The following CNTNAP2 variants were observed in gnomAD, a reference collection of about 807,000 sequenced individuals.
CNTNAP2 encodes the protein contactin-associated protein-like 2.
A neutral mutation model predicts 155.2 loss-of-function variants in CNTNAP2; 98 were observed. The ratio of observed to expected loss-of-function variants is 0.63; its 90% confidence interval spans 0.54 to 0.75. The LOEUF (loss-of-function observed/expected upper bound fraction) is 0.75. Ranked by LOEUF, CNTNAP2 falls within the 30% of genes least tolerant of loss-of-function variation. CNTNAP2 has a pLI of 0.00. For missense variants in CNTNAP2, 1,727 were observed against 1,688.1 expected (o/e 1.02, Z -0.40); for synonymous variants, 651 against 631.2 (o/e 1.03, Z -0.47).
rs1458637951 is a variant in CNTNAP2 at position 148,181,740 on chromosome 7, CCTTTTTTTTTTTTT to C, written c.3010+9263_3010+9276del. ...AATAACTTTTGTTTCAAGTGTGTGC[CCTTTTTTTTTTTTT>C]TTTTTTTTTTTTTTTTTTTTTGAGA... On this transcript the variant is annotated intron_variant, in intron 18 of 23. Coordinates refer to ENST00000361727, the MANE Select transcript of CNTNAP2 (RefSeq NM_014141.6). Among the ~76,000 whole-genome samples, 5 of 98,684 alleles carry C rather than the reference CCTTTTTTTTTTTTT, an allele frequency of 5.1e-5. No individual in the cohort carries two copies. The East Asian group carries it at 1.5e-3, about 30-fold the overall frequency. The allele number at this position is 98,684 out of a possible 152,430, so 64.7% of individuals were successfully genotyped here. A position where few individuals can be genotyped will look rare whatever the true frequency, so the allele number is the denominator to read the frequency against.
chr7:147,738,908 G>A (rs1160484355), intron 13 of CNTNAP2, among the ~76,000 whole-genome samples: 1 of 152,064 alleles, frequency 6.6e-6, no homozygotes, highest in Non-Finnish European at 1.5e-5. Flanking sequence ...ATCTGCCTTG[G>A]CCTCCCAAAG....
intron 13 of CNTNAP2, among the ~76,000 whole-genome samples, chr7:147,676,674 C>T (rs1382212363): frequency 6.6e-6 from 1 of 151,918 alleles, no homozygotes. Context: ...ACCAACTACC[C>T]CAGCCCCTGG....
At chr7:148,051,794 T>C (rs965672170) in intron 15 of CNTNAP2, among the ~76,000 whole-genome samples, 1 of 152,226 alleles carries the variant, frequency 6.6e-6, no homozygotes, top group South Asian at 2.1e-4. Context: ...GAAGAATGCA[T>C]AGAAAAGTGA....
intron 14 of CNTNAP2, among the ~76,000 whole-genome samples, chr7:147,917,534 G>T (rs1800181220): frequency 1.3e-5 from 2 of 152,192 alleles, no homozygotes; most frequent in Non-Finnish European, 2.9e-5. Context: ...AGAGGAAAGA[G>T]AGCATGCCTT....
intron 12 of CNTNAP2, among the ~76,000 whole-genome samples, chr7:147,582,855 C>T (rs10281966): frequency 0.69 from 104,944 of 151,970 alleles, 36,805 homozygotes; most frequent in African/African-American, 0.81. Context: ...TCTGGACTTC[C>T]TTATGCAAAA....
chr7:148,122,495 G>A lies in CNTNAP2; in HGVS notation c.2554+4207G>A, dbSNP rs149270096. Among the ~76,000 whole-genome samples the A allele has an allele frequency of 1.9e-4, 29 of 152,294 alleles. No individual in the cohort carries two copies. In the East Asian group the frequency reaches 4.6e-3, roughly 24 times the overall value. ...ATAACACCAAATGAACGAAGGTGTC[G>A]GAGACTGAACCGAAGGACCCAGGAG... On this transcript the variant is annotated intron_variant, in intron 16 of 23. Transcript: ENST00000361727.
At chr7:146,510,896 T>A (rs1797455325) in intron 1 of CNTNAP2, among the ~76,000 whole-genome samples, 1 of 152,138 alleles carries the variant, frequency 6.6e-6, no homozygotes, top group Non-Finnish European at 1.5e-5. Flanking sequence ...CTTTAGGTTT[T>A]TCTTTTTTCT....
At chr7:147,053,588 G>C (rs1224511526) in intron 4 of CNTNAP2, among the ~76,000 whole-genome samples, 1 of 152,016 alleles carries the variant, frequency 6.6e-6, no homozygotes, top group Non-Finnish European at 1.5e-5. Flanking sequence ...AAAATCAAGA[G>C]TGTCGATTTA....
chr7:146,330,475 A>C (rs996372385), intron 1 of CNTNAP2, among the ~76,000 whole-genome samples: 3 of 152,180 alleles, frequency 2.0e-5, no homozygotes, highest in Non-Finnish European at 4.4e-5. Flanking sequence ...GTATGTATAA[A>C]AATTACTAAA....
intron 4 of CNTNAP2, among the ~76,000 whole-genome samples, chr7:147,084,526 T>C (rs980227083): frequency 7.3e-6 from 1 of 136,818 alleles, no homozygotes; most frequent in African/African-American, 2.6e-5. Context: ...TATATACATA[T>C]AATACTATAT....
At chr7:146,564,795 T>A (rs2129144918) in intron 1 of CNTNAP2, among the ~76,000 whole-genome samples, 1 of 152,000 alleles carries the variant, frequency 6.6e-6, no homozygotes, top group Non-Finnish European at 1.5e-5. Flanking sequence ...CATTTCTAAC[T>A]TTATTCAGTT....
chr7:148,290,614 C>T (rs1797172676), intron 21 of CNTNAP2, among the ~76,000 whole-genome samples: 1 of 152,162 alleles, frequency 6.6e-6, no homozygotes, highest in South Asian at 2.1e-4. Context: ...TGAGCAACCA[C>T]CCTATCACTT....
chr7:147,464,045 A>G (rs537674675), intron 10 of CNTNAP2, among the ~76,000 whole-genome samples: 46 of 151,628 alleles, frequency 3.0e-4, no homozygotes, highest in African/African-American at 1.0e-3. Flanking sequence ...TTTAAAGACA[A>G]TACATATGTG....
At chr7:147,086,469 C>T (rs1800281607) in intron 4 of CNTNAP2, among the ~76,000 whole-genome samples, 1 of 151,922 alleles carries the variant, frequency 6.6e-6, no homozygotes, top group Non-Finnish European at 1.5e-5. Flanking sequence ...ACAGATTTCT[C>T]TCTATCACCC....
At chr7:148,203,595 A>C (rs1795400718) in intron 18 of CNTNAP2, among the ~76,000 whole-genome samples, 2 of 152,144 alleles carry the variant, frequency 1.3e-5, no homozygotes, top group African/African-American at 4.8e-5. Flanking sequence ...AAATACAAAA[A>C]TTAGCTGGAG....
intron 1 of CNTNAP2, among the ~76,000 whole-genome samples, chr7:146,357,885 TAAG>T (rs765420480): frequency 1.4e-5 from 2 of 145,256 alleles, no homozygotes; most frequent in African/African-American, 2.7e-5. Flanking sequence ...AGGAAACAAA[TAAG>T]AAGTATACAC....
intron 3 of CNTNAP2, among the ~76,000 whole-genome samples, chr7:146,892,935 C>G (rs1395885739): frequency 6.6e-6 from 1 of 152,102 alleles, no homozygotes; most frequent in Admixed American, 6.6e-5. Flanking sequence ...ATTTAAATCT[C>G]TATATGCAGA....
intron 2 of CNTNAP2, among the ~76,000 whole-genome samples, chr7:146,817,448 G>A (rs562965993): frequency 5.5e-4 from 84 of 151,464 alleles, no homozygotes; most frequent in African/African-American, 1.8e-3. Flanking sequence ...CTCCAGCTTG[G>A]GCAACATGAG....
At chr7:148,144,475 A>T (rs908414024) in intron 16 of CNTNAP2, among the ~76,000 whole-genome samples, 2 of 152,190 alleles carry the variant, frequency 1.3e-5, no homozygotes, top group Admixed American at 6.5e-5. Flanking sequence ...GTGAGTAAAG[A>T]AGTCCTTTGT....
Sources: gnomAD v4.1 joint callset for allele counts (sites outside exome capture counted in the v4.1 genomes callset) on GRCh38, gnomAD v4.1.1 for gene constraint, MANE v1.5 for transcripts, NCBI Gene and HGNC (gene_info 2026-07-23, HGNC 2026-07-21) for gene names.